Variants in TMEM232 observed in about 807,000 individuals in gnomAD.
TMEM232 encodes the protein transmembrane protein 232.
A neutral mutation model predicts 78.8 loss-of-function variants in TMEM232; 80 were observed. The observed-to-expected ratio is 1.01, with a 90% CI of 0.85 to 1.22. The LOEUF (loss-of-function observed/expected upper bound fraction) is 1.22, where lower values mean the gene tolerates loss of function less well. Ranked by LOEUF, TMEM232 falls within the 50% of genes most tolerant of loss-of-function variation. The pLI is 0.00. For synonymous variants in TMEM232, 297 were observed against 254.3 expected (o/e 1.17, Z -1.60); for missense variants, 881 against 742.2 (o/e 1.19, Z -2.17).
At chr5:110,535,261 T>C (rs2149554795) in intron 11 of TMEM232, among the ~76,000 whole-genome samples, 1 of 152,172 alleles carries the variant, frequency 6.6e-6, no homozygotes, top group Non-Finnish European at 1.5e-5. Flanking sequence ...ACTGATGACA[T>C]TATCTTGTGA....
chr5:110,478,848 G>A (rs1322674464), intron 12 of TMEM232, among the ~76,000 whole-genome samples: 1 of 148,924 alleles, frequency 6.7e-6, no homozygotes, highest in Non-Finnish European at 1.5e-5. Context: ...TCTATGCATT[G>A]TTGTGAGAGA....
At chr5:110,738,489 G>A (rs1256058048), upstream of TMEM232, among the ~76,000 whole-genome samples, 3 of 152,102 alleles carry the variant, frequency 2.0e-5, no homozygotes, top group African/African-American at 7.2e-5. Context: ...CTTTTAAAAT[G>A]CTTGCTCTGG....
chr5:110,687,277 C>T (rs975129646), intron 1 of TMEM232, among the ~76,000 whole-genome samples: 5 of 144,490 alleles, frequency 3.5e-5, no homozygotes, highest in Admixed American at 1.4e-4. Flanking sequence ...GGAACTGCCT[C>T]TTCTTTCCTT....
chr5:110,507,202 A>T (rs867700283), intron 12 of TMEM232, among the ~76,000 whole-genome samples: 1 of 152,216 alleles, frequency 6.6e-6, no homozygotes, highest in Non-Finnish European at 1.5e-5. Flanking sequence ...AAGGGGAAAG[A>T]GAGGTTGTGA....
intron 12 of TMEM232, among the ~76,000 whole-genome samples, chr5:110,471,225 G>A (rs1762642223): frequency 6.6e-6 from 1 of 152,046 alleles, no homozygotes; most frequent in Admixed American, 6.6e-5. Context: ...ACATAAGAAT[G>A]AAAAACAGTG....
chr5:110,577,883 T>TG (rs1777747243), intron 10 of TMEM232, among the ~76,000 whole-genome samples: 2 of 148,994 alleles, frequency 1.3e-5, no homozygotes, highest in Admixed American at 1.3e-4. Context: ...GGGTGGAGGG[T>TG]GGGAGGAGGG....
chr5:110,568,450 A>C lies in TMEM232; in HGVS notation c.1452T>G (p.Ala484=), dbSNP rs1776578142. 6.5e-7 allele frequency: 1 copy of C among 1,543,752 alleles called. No homozygotes were observed. Among genetic ancestry groups the C allele is most frequent in the Non-Finnish European group, 8.7e-7 (1 of 1,143,998 alleles). Residue 484 remains alanine (A), a synonymous_variant, in exon 11 of 14, where the codon GCT becomes GCG. Coordinates refer to ENST00000455884, the MANE Select transcript of TMEM232 (RefSeq NM_001039763.4). Reference sequence around the variant, plus strand: ...ATTGCCCAGTGTTTTACCTTACCTGAGCTATATTGATTGCATTTTGGATTC... The same window carrying C: ...ATTGCCCAGTGTTTTACCTTACCTGCGCTATATTGATTGCATTTTGGATTC... ...DVRIQNAINI[A]QAELNDPTDP... is the part of the protein sequence containing the mutation.
At chr5:110,463,434 C>T (rs945001002) in intron 12 of TMEM232, among the ~76,000 whole-genome samples, 2 of 152,128 alleles carry the variant, frequency 1.3e-5, no homozygotes, top group Non-Finnish European at 2.9e-5. Context: ...GTGTAACTCA[C>T]TTTATTGTGA....
At chr5:110,508,808 T>C (rs549175681) in intron 12 of TMEM232, among the ~76,000 whole-genome samples, 2 of 147,572 alleles carry the variant, frequency 1.4e-5, no homozygotes, top group Non-Finnish European at 3.0e-5. Flanking sequence ...GATAAACTGA[T>C]TGAGGAAATA....
chr5:110,609,201 G>A (rs1781871516), intron 8 of TMEM232, among the ~76,000 whole-genome samples: 1 of 151,880 alleles, frequency 6.6e-6, no homozygotes, highest in South Asian at 2.1e-4. Context: ...AAATATTCCA[G>A]AAAGCATTGA....
intron 2 of TMEM232, among the ~76,000 whole-genome samples, chr5:110,647,060 C>G (rs1787599345): frequency 6.6e-6 from 1 of 151,366 alleles, no homozygotes; most frequent in Non-Finnish European, 1.5e-5. Flanking sequence ...AGTTATAATT[C>G]ATTTTATGCA....
chr5:110,712,144 T>C (rs111606572), intron 1 of TMEM232, among the ~76,000 whole-genome samples: 8,130 of 143,722 alleles, frequency 0.057, 321 homozygotes, highest in Non-Finnish European at 0.087. Context: ...ACTCTGAAAC[T>C]ACTACAAGAA....
rs570520385 is a variant in TMEM232, at chr5:110,717,382, T to C, written c.-13+9245A>G. ...ACTCTGTTGCTAATACTTGGACCCA[T>C]GCTGATTTGACATGATCCTTGAAAA... On this transcript the variant is annotated intron_variant, in intron 1 of 13. Transcript: ENST00000455884. Among the ~76,000 whole-genome samples the C allele has an allele frequency of 2.0e-5, 3 of 152,264 alleles. No homozygotes were observed. The South Asian group carries it at 6.2e-4, about 32-fold the overall frequency.
intron 12 of TMEM232, among the ~76,000 whole-genome samples, chr5:110,473,916 A>T (rs944551488): frequency 7.0e-6 from 1 of 143,538 alleles, no homozygotes; most frequent in East Asian, 2.0e-4. Flanking sequence ...AAAAAAAAAA[A>T]AACCCGCAAA....
At chr5:110,388,983 G>A (rs1006968115) in intron 4 of TMEM232, among the ~76,000 whole-genome samples, 10 of 152,090 alleles carry the variant, frequency 6.6e-5, no homozygotes, top group East Asian at 3.9e-4. Flanking sequence ...TCTTGGGGCC[G>A]GGTGCAGTGG....
intron 5 of TMEM232, among the ~76,000 whole-genome samples, chr5:110,633,525 A>G (rs1785418118): frequency 6.6e-6 from 1 of 152,018 alleles, no homozygotes; most frequent in South Asian, 2.1e-4. Flanking sequence ...GAGGTGACTG[A>G]ATCATGGGGG....
chr5:110,512,446 C>A (rs961631278), intron 12 of TMEM232, among the ~76,000 whole-genome samples: 1 of 152,128 alleles, frequency 6.6e-6, no homozygotes, highest in African/African-American at 2.4e-5. Flanking sequence ...CCAGAGCCTA[C>A]CACAATGACT....
intron 12 of TMEM232, among the ~76,000 whole-genome samples, chr5:110,435,503 A>C (rs1758330696): frequency 6.6e-6 from 1 of 151,702 alleles, no homozygotes; most frequent in African/African-American, 2.4e-5. Flanking sequence ...GAATTAAATA[A>C]TTATTGAGTA....
intron 11 of TMEM232, among the ~76,000 whole-genome samples, chr5:110,561,900 C>A (rs912967417): frequency 2.0e-5 from 3 of 151,902 alleles, no homozygotes; most frequent in Admixed American, 6.6e-5. Context: ...GAGGGAAGAC[C>A]CCAATGTGTA....
Sources: allele counts gnomAD v4.1 joint callset (sites outside exome capture counted in the v4.1 genomes callset), GRCh38; gene constraint gnomAD v4.1.1; transcripts MANE v1.5; gene names NCBI Gene and HGNC (gene_info 2026-07-23, HGNC 2026-07-21).